Variants in CYP2C19 observed in about 807,000 individuals in gnomAD.
The protein encoded by CYP2C19 is cytochrome P450 family 2 subfamily C member 19, also known as cytochrome P450 2C19.
CYP2C19 carries 59 observed loss-of-function variants against 40.9 expected under a neutral mutation model. The observed-to-expected ratio is 1.44, with a 90% CI of 1.17 to 1.79. CYP2C19 has a LOEUF of 1.79. CYP2C19 is among the 40% of genes most tolerant of loss of function. CYP2C19 has a pLI of 0.00. For synonymous variants in CYP2C19, 253 were observed against 208.7 expected (o/e 1.21, Z -1.83); for missense variants, 754 against 596.9 (o/e 1.26, Z -2.74).
Position 94,855,502 on chromosome 10 carries a change from C to A in CYP2C19, c.*2588C>A, listed in dbSNP as rs1278751676. ...TGGCTCACTAATGAATACCAGCCACCTGAAACACTGTTTAGAAGATACTGG... is the reference window on the plus strand; with the variant it reads ...TGGCTCACTAATGAATACCAGCCACATGAAACACTGTTTAGAAGATACTGG... On this transcript the variant is annotated 3_prime_UTR_variant, in exon 9 of 9. Coordinates refer to ENST00000371321, the MANE Select transcript of CYP2C19 (RefSeq NM_000769.4). Among the ~76,000 whole-genome samples the A allele has an allele frequency of 6.6e-6, 1 of 152,152 alleles. No individual in the cohort carries two copies. Among genetic ancestry groups the A allele is most frequent in the Non-Finnish European group, 1.5e-5 (1 of 68,028 alleles).
intron 6 of CYP2C19, among the ~76,000 whole-genome samples, chr10:94,823,884 G>T (rs971412943): frequency 5.9e-5 from 9 of 152,146 alleles, no homozygotes; most frequent in Non-Finnish European, 1.3e-4. Flanking sequence ...AGGACAATGA[G>T]AGTGTCAGGG....
At chr10:94,811,757 G>A (rs531658430) in intron 5 of CYP2C19, among the ~76,000 whole-genome samples, 1 of 151,582 alleles carries the variant, frequency 6.6e-6, no homozygotes, top group East Asian at 1.9e-4. Flanking sequence ...CCTTTATTTT[G>A]AGCCTATGTG....
chr10:94,794,758 C>A (rs1848658600), intron 5 of CYP2C19, among the ~76,000 whole-genome samples: 1 of 151,898 alleles, frequency 6.6e-6, no homozygotes, highest in Non-Finnish European at 1.5e-5. Flanking sequence ...GATTTTGTAT[C>A]CTGAGACTTT....
intron 1 of CYP2C19, among the ~76,000 whole-genome samples, chr10:94,763,549 T>A (rs759541359): frequency 6.6e-6 from 1 of 152,132 alleles, no homozygotes; most frequent in Non-Finnish European, 1.5e-5. Flanking sequence ...TGAATACACC[T>A]CATTGTGTAG....
chr10:94,834,453 G>A (rs1260166050), intron 6 of CYP2C19, among the ~76,000 whole-genome samples: 6 of 151,106 alleles, frequency 4.0e-5, no homozygotes, highest in African/African-American at 7.3e-5. Flanking sequence ...ACTTTTTGTT[G>A]CATTGACATT....
intron 5 of CYP2C19, among the ~76,000 whole-genome samples, chr10:94,787,376 T>G (rs1848556839): frequency 1.3e-5 from 2 of 152,120 alleles, no homozygotes; most frequent in Non-Finnish European, 2.9e-5. Context: ...CTAAGTACCT[T>G]ATAGATTCTC....
At chr10:94,771,849 C>G (rs1395432875) in intron 1 of CYP2C19, among the ~76,000 whole-genome samples, 1 of 152,128 alleles carries the variant, frequency 6.6e-6, no homozygotes, top group African/African-American at 2.4e-5. Context: ...ACCGACACAG[C>G]AGCAGAAACA....
intron 5 of CYP2C19, among the ~76,000 whole-genome samples, chr10:94,816,260 ATTTTTATTTTTATTT>A (rs1849000487): frequency 6.9e-6 from 1 of 144,660 alleles, no homozygotes; most frequent in African/African-American, 2.5e-5. Context: ...TTTTTTCTTT[ATTTTTATTTTTATTT>A]TTTTTATTTT....
chr10:94,764,301 G>A (rs752283309), intron 1 of CYP2C19, among the ~76,000 whole-genome samples: 1 of 152,168 alleles, frequency 6.6e-6, no homozygotes, highest in Non-Finnish European at 1.5e-5. Flanking sequence ...CCATTTTGCA[G>A]AGTGCTGATT....
At chr10:94,840,520 C>T (rs1849475959) in intron 6 of CYP2C19, among the ~76,000 whole-genome samples, 1 of 152,082 alleles carries the variant, frequency 6.6e-6, no homozygotes. Context: ...AAGTCTGAAA[C>T]ATTAGTACCT....
chr10:94,778,559 A>G (rs182384943), intron 3 of CYP2C19, among the ~76,000 whole-genome samples: 34 of 152,340 alleles, frequency 2.2e-4, no homozygotes, highest in African/African-American at 8.2e-4. Context: ...TCAAAACCAC[A>G]ATGAGGTAAA....
intron 5 of CYP2C19, among the ~76,000 whole-genome samples, chr10:94,811,195 G>A (rs988571523): frequency 4.6e-5 from 7 of 152,180 alleles, no homozygotes; most frequent in African/African-American, 1.7e-4. Flanking sequence ...GCAGTTTTGA[G>A]TGAGTTTCTT....
At chr10:94,822,877 C>CT (rs1849151086) in intron 6 of CYP2C19, among the ~76,000 whole-genome samples, 1 of 151,738 alleles carries the variant, frequency 6.6e-6, no homozygotes. Context: ...TGTATGTCAT[C>CT]TTTTGAGAAG....
chr10:94,829,487 C>G (rs1017668630), intron 6 of CYP2C19, among the ~76,000 whole-genome samples: 1 of 152,176 alleles, frequency 6.6e-6, no homozygotes, highest in African/African-American at 2.4e-5. Flanking sequence ...AGTTCTCGAG[C>G]CTTGGTTTTC....
chr10:94,815,953 C>T (rs531195104), intron 5 of CYP2C19, among the ~76,000 whole-genome samples: 1 of 152,204 alleles, frequency 6.6e-6, no homozygotes, highest in East Asian at 1.9e-4. Context: ...CCCTAATTTT[C>T]CTATTTTTAT....
rs1848464201 is a variant in CYP2C19, at chr10:94,780,410, A to C, written c.482-89A>C. 1.3e-5 allele frequency: 20 copies of C among 1,515,186 alleles called. 1 individual carries two copies. Among genetic ancestry groups the C allele is most frequent in the Non-Finnish European group, 1.6e-5 (18 of 1,124,098 alleles). The allele number at this position is 1,515,186 out of a possible 1,614,324, so 93.9% of individuals were successfully genotyped here. On this transcript the variant is annotated intron_variant, in intron 3 of 8. Transcript: ENST00000371321. ...ATTCATAGGTAAGATATTACTTAAA[A>C]TTTCTAAACTATTATTATCTGTTAA...
chr10:94,849,789 G>C lies in CYP2C19; in HGVS notation c.1150-128G>C. 4 of 1,151,050 alleles carry C rather than the reference G, an allele frequency of 3.5e-6. No homozygotes were observed. The South Asian group carries it at 3.9e-5, about 11-fold the overall frequency. 71.3% of individuals were successfully genotyped at this position (1,151,050 alleles called of 1,614,324 possible). A position where few individuals can be genotyped will look rare whatever the true frequency, so the allele number is the denominator to read the frequency against. ...TACTTCGTCTATCTGTCTGGAAATG[G>C]TACTGCTCTTCTTTGGAATGGTGTT... On this transcript the variant is annotated intron_variant, in intron 7 of 8. Transcript: ENST00000371321.
intron 6 of CYP2C19, among the ~76,000 whole-genome samples, chr10:94,831,113 G>A (rs551455089): frequency 7.0e-4 from 106 of 152,224 alleles, no homozygotes; most frequent in African/African-American, 2.2e-3. Context: ...CCACAAATAA[G>A]TGAGAACATG....
intron 3 of CYP2C19, among the ~76,000 whole-genome samples, chr10:94,777,646 T>A (rs946902373): frequency 1.3e-5 from 2 of 152,088 alleles, no homozygotes; most frequent in Non-Finnish European, 2.9e-5. Flanking sequence ...TATAAAAAAA[T>A]TAACTCAAGA....
Sources: gnomAD v4.1 joint callset for allele counts (sites outside exome capture counted in the v4.1 genomes callset) on GRCh38, gnomAD v4.1.1 for gene constraint, MANE v1.5 for transcripts, NCBI Gene and HGNC (gene_info 2026-07-23, HGNC 2026-07-21) for gene names.